ABCA13: variants seen among roughly 807,000 people sequenced by gnomAD.
The protein encoded by ABCA13 is ATP binding cassette subfamily A member 13.
In ABCA13, 476 loss-of-function variants were observed where a neutral mutation model predicts 478.7. The ratio of observed to expected loss-of-function variants is 0.99; its 90% CI spans 0.92 to 1.07. The LOEUF is 1.07. Among genes scored for constraint, ABCA13 ranks in the 50% least tolerant of loss-of-function variants. The probability of loss-of-function intolerance (pLI) is 0.00; values close to 1 mark genes in which losing one functional copy is unlikely to be tolerated. For missense variants in ABCA13, 6,060 were observed against 5,910.6 expected (o/e 1.03, Z -0.83); for synonymous variants, 2,252 against 2,158.9 (o/e 1.04, Z -1.20).
chr7:48,633,692 C>T (rs574127972), intron 59 of ABCA13, among the ~76,000 whole-genome samples: 2 of 148,098 alleles, frequency 1.4e-5, no homozygotes, highest in Admixed American at 6.8e-5. Flanking sequence ...GCCTGGCCAA[C>T]GTGGTGAAAC....
chr7:48,430,307 G>A (rs1254450774), intron 42 of ABCA13, among the ~76,000 whole-genome samples: 3 of 152,022 alleles, frequency 2.0e-5, no homozygotes, highest in Admixed American at 6.6e-5. Context: ...CATTTCAGTC[G>A]TTATGCTATT....
rs368989786 is a variant in ABCA13 at position 48,288,046 on chromosome 7, C to T, written c.8923C>T (p.Gln2975Ter). The change falls in exon 20 of 62, where the codon CAA becomes TAA. Residue 2975 changes from glutamine (Q) to a stop codon, truncating the protein, a stop_gained. Coordinates refer to ENST00000435803, the MANE Select transcript of ABCA13 (RefSeq NM_152701.5). LOFTEE classifies it high-confidence loss of function. The stretch of plus-strand genomic sequence containing the variant: ...AAGGCATCTCATTTTATCTGCTATA[C>T]AAGGGGTCACTTTGGCGCAGGACCA... ...GIRHLILSAI[Q>*]GVTLAQDHFQ... is the part of the protein sequence containing the mutation. 35 of 1,613,996 alleles carry T rather than the reference C, an allele frequency of 2.2e-5. No homozygotes were observed. In the African/African-American group the frequency reaches 3.1e-4, roughly 14 times the overall value.
chr7:48,182,274 A>T (rs889792102), intron 1 of ABCA13, among the ~76,000 whole-genome samples: 4 of 152,150 alleles, frequency 2.6e-5, no homozygotes, highest in Non-Finnish European at 4.4e-5. Flanking sequence ...TTAATTTCTA[A>T]TTTTTTTGCA....
chr7:48,353,919 T>C (rs62449224), intron 31 of ABCA13, among the ~76,000 whole-genome samples: 2,744 of 152,068 alleles, frequency 0.018, 32 homozygotes, highest in Non-Finnish European at 0.028. Context: ...AATGATAGCT[T>C]TTCTTTCTTT....
chr7:48,307,134 G>T (rs375476418), intron 23 of ABCA13, among the ~76,000 whole-genome samples: 1 of 152,098 alleles, frequency 6.6e-6, no homozygotes, highest in East Asian at 1.9e-4. Context: ...ATGTATGTAT[G>T]CTATGTGTCA....
chr7:48,626,309 T>C (rs1793661875), intron 59 of ABCA13, among the ~76,000 whole-genome samples: 1 of 152,166 alleles, frequency 6.6e-6, no homozygotes, highest in African/African-American at 2.4e-5. Flanking sequence ...GGTAGTTTTA[T>C]GGGTGAGGAG....
intron 19 of ABCA13, among the ~76,000 whole-genome samples, chr7:48,287,416 C>CGCA: frequency 6.6e-6 from 1 of 152,188 alleles, no homozygotes; most frequent in African/African-American, 2.4e-5. Context: ...GCTGGACAGA[C>CGCA]GCACAGATGG....
In ABCA13 at chr7:48,403,774, G is replaced by T. The variant is rs551950513; in HGVS notation, c.11965G>T (p.Ala3989Ser). 5.6e-6 allele frequency: 9 copies of T among 1,613,972 alleles called. No homozygotes were observed. Among genetic ancestry groups the T allele is most frequent in the South Asian group, 5.5e-5 (5 of 91,066 alleles). The part of the protein sequence containing the change: ...GLKRKLSLGI[A>S]FMGMSRTVVL... ...GAAGAGGAAGCTCTCCCTTGGCATTGCTTTCATGGGCATGTCGAGGACCGT... is the reference window on the plus strand; with the variant it reads ...GAAGAGGAAGCTCTCCCTTGGCATTTCTTTCATGGGCATGTCGAGGACCGT... The change falls in exon 39 of 62, where the codon GCT (alanine) becomes TCT (serine). Residue 3989 changes from alanine to serine, a missense_variant. By Grantham distance (99) the Ala-to-Ser change is moderately conservative. Coordinates refer to ENST00000435803, the MANE Select transcript of ABCA13 (RefSeq NM_152701.5).
intron 27 of ABCA13, among the ~76,000 whole-genome samples, chr7:48,331,906 G>A (rs892169955): frequency 2.0e-5 from 3 of 152,094 alleles, no homozygotes; most frequent in South Asian, 2.1e-4. Context: ...CCACTCCCCC[G>A]CAAGTCCCTG....
chr7:48,590,421 C>T (rs1384559683), intron 57 of ABCA13, among the ~76,000 whole-genome samples: 1 of 152,046 alleles, frequency 6.6e-6, no homozygotes, highest in Non-Finnish European at 1.5e-5. Flanking sequence ...TATATCTTGG[C>T]TTCTGTAAAT....
rs180842669 is a variant in ABCA13 at position 48,521,574 on chromosome 7, A to G, written c.14051+1280A>G. ...GTAAAATGCAGAGTGCCCTTTAAACATAATTTGTTCTCTGATGTCCCTTAC... is the reference window on the plus strand; with the variant it reads ...GTAAAATGCAGAGTGCCCTTTAAACGTAATTTGTTCTCTGATGTCCCTTAC... On this transcript the variant is annotated intron_variant, in intron 53 of 61. Transcript: ENST00000435803. Among the ~76,000 whole-genome samples the G allele has an allele frequency of 2.4e-4, 36 of 152,262 alleles. No individual in the cohort carries two copies. The East Asian group carries it at 6.6e-3, about 28-fold the overall frequency.
In ABCA13 at chr7:48,289,736, TGACTCAAA is replaced by T. The variant is rs371559468; in HGVS notation, c.8955+1663_8955+1670del. ...AAGAGACTCCAGCTTTCAGAGCAAC[TGACTCAAA>T]GACTGTATTTATAGTTCAAATTGTT... On this transcript the variant is annotated intron_variant, in intron 20 of 61. Transcript: ENST00000435803. Among the ~76,000 whole-genome samples, 328 of 152,342 alleles carry T rather than the reference TGACTCAAA, an allele frequency of 2.2e-3. 1 individual carries two copies. The highest frequency in any genetic ancestry group is 7.5e-3 in the African/African-American group (312 of 41,580).
At chr7:48,428,126 A>G (rs1821686371) in intron 42 of ABCA13, among the ~76,000 whole-genome samples, 1 of 152,122 alleles carries the variant, frequency 6.6e-6, no homozygotes, top group Non-Finnish European at 1.5e-5. Context: ...TATATAAAAA[A>G]TTTCTCAATG....
intron 4 of ABCA13, 122 bp downstream of exon 4, chr7:48,219,627 T>C: frequency 7.7e-7 from 1 of 1,291,976 alleles, no homozygotes; most frequent in East Asian, 2.4e-5. Context: ...ACTTTCATAG[T>C]GAGTCTTTGA....
At chr7:48,618,218 C>G (rs190629196) in intron 59 of ABCA13, among the ~76,000 whole-genome samples, 1 of 152,300 alleles carries the variant, frequency 6.6e-6, no homozygotes, top group Admixed American at 6.5e-5. Flanking sequence ...CCCCGTAAAC[C>G]CATGCCTGAC....
rs918810411 is a variant in ABCA13, at chr7:48,647,496, G to A, written c.*1984G>A. The stretch of plus-strand genomic sequence containing the variant: ...AATGAGATGTGCTTTAATTTAACCC[G>A]ATTTTTGGAATGTAATTGTGCTTTT... On this transcript the variant is annotated 3_prime_UTR_variant, in exon 62 of 62. Transcript: ENST00000435803. 4 of 152,126 alleles carry A rather than the reference G, an allele frequency of 2.6e-5. No homozygotes were observed. The highest frequency in any genetic ancestry group is 6.6e-5 in the Admixed American group (1 of 15,266). 9.4% of individuals were successfully genotyped at this position (152,126 alleles called of 1,614,324 possible).
In ABCA13 at chr7:48,229,973, C is replaced by T; in HGVS notation, c.763+18C>T. ...AGTCACCGGTATGGGTGCCTTGTAGCTATTGCTATATTTCAAAACGTTTAA... is the reference window on the plus strand; with the variant it reads ...AGTCACCGGTATGGGTGCCTTGTAGTTATTGCTATATTTCAAAACGTTTAA... On this transcript the variant is annotated intron_variant, in intron 7 of 61. Transcript: ENST00000435803. 6.2e-7 allele frequency: 1 copy of T among 1,608,902 alleles called. No individual in the cohort carries two copies. The highest frequency in any genetic ancestry group is 8.5e-7 in the Non-Finnish European group (1 of 1,176,978).
At chr7:48,359,619 G>T (rs1342593355) in intron 31 of ABCA13, among the ~76,000 whole-genome samples, 1 of 151,990 alleles carries the variant, frequency 6.6e-6, no homozygotes, top group Non-Finnish European at 1.5e-5. Flanking sequence ...AGTGGTGATG[G>T]AGGCCGGTGG....
chr7:48,404,023 A>G (rs1267498535), intron 39 of ABCA13, 144 bp downstream of exon 39: 3 of 962,110 alleles, frequency 3.1e-6, no homozygotes, highest in Middle Eastern at 2.2e-4. Context: ...AAAAGCACTT[A>G]TAGGGATATA....
Sources: gnomAD v4.1 joint callset for allele counts (sites outside exome capture counted in the v4.1 genomes callset) on GRCh38, gnomAD v4.1.1 for gene constraint, MANE v1.5 for transcripts, NCBI Gene and HGNC (gene_info 2026-07-23, HGNC 2026-07-21) for gene names.